Variants in AGBL3 observed in about 807,000 individuals in gnomAD.
The protein encoded by AGBL3 is AGBL carboxypeptidase 3.
A neutral mutation model predicts 94.5 loss-of-function variants in AGBL3; 68 were observed. The observed-to-expected ratio is 0.72, with a 90% CI of 0.59 to 0.88. The LOEUF (loss-of-function observed/expected upper bound fraction) is 0.88. Ranked by LOEUF, AGBL3 falls within the 40% of genes least tolerant of loss-of-function variation. The pLI is 0.00. For missense variants in AGBL3, 934 were observed against 1,103.8 expected (o/e 0.85, Z 2.18); for synonymous variants, 354 against 370.7 (o/e 0.95, Z 0.52).
At chr7:135,066,492 T>C (rs1819316407) in intron 12 of AGBL3, among the ~76,000 whole-genome samples, 1 of 152,148 alleles carries the variant, frequency 6.6e-6, no homozygotes, top group South Asian at 2.1e-4. Context: ...GTGGAGAAAA[T>C]GAAGCCTTTA....
chr7:135,086,999 C>A (rs1821386042), intron 15 of AGBL3, among the ~76,000 whole-genome samples: 1 of 151,874 alleles, frequency 6.6e-6, no homozygotes, highest in Non-Finnish European at 1.5e-5. Flanking sequence ...CAATGGAAGA[C>A]TTTTTATTAC....
chr7:135,076,175 A>T (rs966907832), intron 12 of AGBL3, among the ~76,000 whole-genome samples: 2 of 152,132 alleles, frequency 1.3e-5, no homozygotes, highest in African/African-American at 4.8e-5. Flanking sequence ...ACTCATCATC[A>T]TGCCACTCTT....
intron 5 of AGBL3, among the ~76,000 whole-genome samples, chr7:135,029,932 T>A (rs554788251): frequency 6.6e-6 from 1 of 152,172 alleles, no homozygotes; most frequent in East Asian, 1.9e-4. Context: ...GGTGGAATAG[T>A]CAGAACACAC....
chr7:134,999,395 G>A (rs988927761), intron 4 of AGBL3, among the ~76,000 whole-genome samples: 22 of 152,180 alleles, frequency 1.4e-4, no homozygotes, highest in African/African-American at 7.2e-5. Flanking sequence ...TGCGGTCTCC[G>A]TCTCTCTTGA....
chr7:135,104,963 A>G (rs535783155), intron 15 of AGBL3, among the ~76,000 whole-genome samples: 2 of 149,492 alleles, frequency 1.3e-5, no homozygotes, highest in South Asian at 4.2e-4. Context: ...TTTTGTTGTG[A>G]TTGCTTTTGG....
At chr7:135,129,876 A>C (rs779621598) in intron 16 of AGBL3, among the ~76,000 whole-genome samples, 19 of 152,188 alleles carry the variant, frequency 1.2e-4, no homozygotes, top group Non-Finnish European at 2.6e-4. Flanking sequence ...ACATTTTTTA[A>C]TGCAAGTTGA....
chr7:135,102,702 A>G (rs748894753), intron 15 of AGBL3, among the ~76,000 whole-genome samples: 5 of 151,094 alleles, frequency 3.3e-5, no homozygotes, highest in African/African-American at 7.3e-5. Context: ...ATGATCATCT[A>G]TTTGGCTCTT....
In AGBL3 at chr7:135,044,117, T is replaced by C. The variant is rs1278805505; in HGVS notation, c.1593T>C (p.Phe531=). The change falls in exon 9 of 17, where the codon TTT becomes TTC. Residue 531 remains phenylalanine (F), a synonymous_variant. Coordinates refer to ENST00000436302, the MANE Select transcript of AGBL3 (RefSeq NM_178563.4). The part of the protein sequence containing the change: ...VMWKMGIRNS[F]TMEATFCGST... ...GGAAAATGGGAATCAGGAACAGCTT[T>C]ACCATGGAGGCCACCTTCTGTGGAT... is the stretch of plus-strand genomic sequence containing the variant. The C allele has an allele frequency of 2.6e-6, 4 of 1,550,512 alleles. No individual in the cohort carries two copies. In the South Asian group the frequency reaches 3.6e-5, roughly 14 times the overall value.
At chr7:135,109,404 G>A (rs1825271235) in intron 15 of AGBL3, among the ~76,000 whole-genome samples, 1 of 152,164 alleles carries the variant, frequency 6.6e-6, no homozygotes, top group Non-Finnish European at 1.5e-5. Context: ...GCCCCAGCAA[G>A]GAGTGGCTGA....
rs761424217 is a variant in AGBL3 at position 135,134,924 on chromosome 7, G to T, written c.2426G>T (p.Gly809Val). 63 of 1,550,972 alleles carry T rather than the reference G, an allele frequency of 4.1e-5. No individual in the cohort carries two copies. The highest frequency in any genetic ancestry group is 5.4e-5 in the Non-Finnish European group (62 of 1,146,648). Residue 809 changes from glycine (G) to valine (V), a missense_variant, in exon 17 of 17, where the codon GGG becomes GTG. Transcript: ENST00000436302. ...AGAAATCACCCTTTTGTAATCCAAG[G>T]GGATGTTATGGCAAACTCTTCAGAA... ...APRNHPFVIQ[G>V]DVMANSSEWV...
intron 15 of AGBL3, chr7:135,101,167 C>A (rs1274865471): frequency 2.2e-6 from 1 of 455,636 alleles, no homozygotes; most frequent in Non-Finnish European, 4.4e-6. Flanking sequence ...AAAAAAATTC[C>A]CCTCAAGGGA....
chr7:135,080,927 T>C (rs554028545), intron 14 of AGBL3, among the ~76,000 whole-genome samples: 18 of 110,966 alleles, frequency 1.6e-4, no homozygotes, highest in African/African-American at 5.5e-4. Flanking sequence ...CAAAAGGATT[T>C]GAGGTAACCT....
intron 15 of AGBL3, among the ~76,000 whole-genome samples, chr7:135,091,234 T>C (rs1821812067): frequency 6.6e-6 from 1 of 152,182 alleles, no homozygotes; most frequent in Non-Finnish European, 1.5e-5. Flanking sequence ...CCAGGGTTTC[T>C]GTTACTCCTC....
chr7:135,125,383 A>T (rs551309094), intron 16 of AGBL3, among the ~76,000 whole-genome samples: 28 of 152,190 alleles, frequency 1.8e-4, no homozygotes, highest in Non-Finnish European at 4.0e-4. Context: ...CAAGTTCTGA[A>T]ATTGAGGCAA....
chr7:135,021,643 C>G (rs1412348316), intron 5 of AGBL3, among the ~76,000 whole-genome samples: 5 of 143,758 alleles, frequency 3.5e-5, no homozygotes, highest in Non-Finnish European at 7.5e-5. Context: ...GGAAGATACA[C>G]AGCATATCAT....
intron 8 of AGBL3, 49 bp downstream of exon 8, chr7:135,037,629 T>A: frequency 6.9e-7 from 1 of 1,441,024 alleles, no homozygotes; most frequent in Non-Finnish European, 9.2e-7. Flanking sequence ...ATGTTGCCCA[T>A]GTGAGATAGC....
chr7:135,071,841 C>T (rs539680591), intron 12 of AGBL3, among the ~76,000 whole-genome samples: 97 of 152,278 alleles, frequency 6.4e-4, no homozygotes, highest in Admixed American at 4.7e-3. Flanking sequence ...CCATTCAGGA[C>T]GTAGGCATGG....
chr7:135,034,712 T>C lies in AGBL3; in HGVS notation c.1121T>C (p.Met374Thr). The change falls in exon 7 of 17, where the codon ATG becomes ACG. Residue 374 changes from methionine (M) to threonine (T), a missense_variant. Met to Thr is a moderately conservative substitution (Grantham distance 81). This residue lies in a region of AGBL3 where 488 missense variants were observed against 563.6 expected (regional missense o/e 0.87). Coordinates refer to ENST00000436302, the MANE Select transcript of AGBL3 (RefSeq NM_178563.4). ...HPGETNSSWI[M>T]KGFLDYILGN... is the part of the protein sequence containing the mutation. ...GGGGAAACCAACAGCTCTTGGATCA[T>C]GAAAGGCTTCCTAGATTATATTTTA... The C allele has an allele frequency of 6.4e-7, 1 of 1,550,816 alleles. No homozygotes were observed. Among genetic ancestry groups the C allele is most frequent in the East Asian group, 2.4e-5 (1 of 40,914 alleles).
chr7:134,993,411 GA>G, intron 3 of AGBL3, 81 bp from the exon 4 acceptor site: 1 of 1,210,116 alleles, frequency 8.3e-7, no homozygotes, highest in Non-Finnish European at 1.1e-6. Flanking sequence ...GTGTTGAAAG[GA>G]AAAAAGGAAC....
Sources: gnomAD v4.1 joint callset for allele counts (sites outside exome capture counted in the v4.1 genomes callset) on GRCh38, gnomAD v4.1.1 for gene constraint, gnomAD v4.1.1 regional missense constraint, MANE v1.5 for transcripts, NCBI Gene and HGNC (gene_info 2026-07-23, HGNC 2026-07-21) for gene names.